The following IST1 variants were observed in gnomAD, a reference collection of about 807,000 sequenced individuals.
IST1 encodes the protein IST1 homolog.
IST1 carries 23 observed loss-of-function variants against 37.0 expected under a neutral mutation model. The observed-to-expected ratio is 0.62, with a 90% CI of 0.45 to 0.88. The LOEUF is 0.88. Among genes scored for constraint, IST1 ranks in the 40% least tolerant of loss-of-function variants. The pLI is 0.00. For missense variants in IST1, 488 were observed against 445.4 expected (o/e 1.10, Z -0.86); for synonymous variants, 180 against 161.7 (o/e 1.11, Z -0.86).
chr16:71,895,835 C>T (rs889162104), intron 1 of IST1, among the ~76,000 whole-genome samples: 1 of 152,218 alleles, frequency 6.6e-6, no homozygotes, highest in African/African-American at 2.4e-5. Flanking sequence ...GGGTCGGAGG[C>T]CTCTGGTCCT....
chr16:71,920,472 CTATAAG>C (rs1160147905), intron 4 of IST1, among the ~76,000 whole-genome samples: 1 of 152,156 alleles, frequency 6.6e-6, no homozygotes, highest in African/African-American at 2.4e-5. Context: ...ATGTAAGACT[CTATAAG>C]AGTAAGAACA....
chr16:71,920,669 G>T, intron 4 of IST1, 70 bp from the exon 5 acceptor site: 1 of 1,096,156 alleles, frequency 9.1e-7, no homozygotes, highest in Non-Finnish European at 1.4e-6. Flanking sequence ...GTTTACTGTT[G>T]CCAGGAAGAA....
chr16:71,903,366 A>G (rs995690748), intron 1 of IST1: 1 of 151,984 alleles, frequency 6.6e-6, no homozygotes, highest in Non-Finnish European at 1.5e-5. Flanking sequence ...TTACATATAT[A>G]TATTTTTTTT....
intron 1 of IST1, among the ~76,000 whole-genome samples, chr16:71,911,358 T>TG (rs1555509659): frequency 6.6e-6 from 1 of 151,528 alleles, no homozygotes; most frequent in Non-Finnish European, 1.5e-5. Context: ...TACCTTTTTT[T>TG]AAAAAAAACT....
upstream of IST1, chr16:71,895,119 A>G: frequency 3.1e-6 from 1 of 326,272 alleles, no homozygotes; most frequent in South Asian, 3.8e-5. Context: ...GTCCAGCGAA[A>G]GGCGGCAGCA....
chr16:71,895,548 C>G lies in IST1; in HGVS notation c.-57C>G. Reference sequence around the variant, plus strand: ...GAGTCGCCATTTTGGATGGTGAACCCTGAAGTCGGTGTCTGCTGCGTTCAC... The same window carrying G: ...GAGTCGCCATTTTGGATGGTGAACCGTGAAGTCGGTGTCTGCTGCGTTCAC... On this transcript the variant is annotated 5_prime_UTR_variant, in exon 1 of 10. Transcript: ENST00000378799. The G allele has an allele frequency of 5.1e-6, 5 of 985,702 alleles. No homozygotes were observed. Among genetic ancestry groups the G allele is most frequent in the Middle Eastern group, 5.2e-4 (1 of 1,914 alleles). The allele number at this position is 985,702 out of a possible 1,614,324, so 61.1% of individuals were successfully genotyped here.
chr16:71,930,064 T>C lies in IST1; in HGVS notation c.*2251T>C, dbSNP rs570578939. 6.5e-7 allele frequency: 1 copy of C among 1,548,890 alleles called. No individual in the cohort carries two copies. The highest frequency in any genetic ancestry group is 8.7e-7 in the Non-Finnish European group (1 of 1,146,046). ...TTTAGTTACCTACCTTAAGCGACTT[T>C]CTTTCTTTTCCAAAGGCCATGAGAA... On this transcript the variant is annotated 3_prime_UTR_variant, in exon 10 of 10. Transcript: ENST00000378799.
In IST1 at chr16:71,923,326, CT is replaced by C; in HGVS notation, c.801del (p.Asn269IlefsTer17). The part of the protein sequence containing the change: ...NGLPMGTYQA[F>X]PNIHPPQIPA... ...GACTGCCAATGGGGACTTATCAGGC[CT>C]TTCCCAATATTCATCCACCTCAGAT... On this transcript the variant is annotated frameshift_variant, in exon 8 of 10. Coordinates refer to ENST00000378799, the MANE Select transcript of IST1 (RefSeq NM_001270975.2). LOFTEE classifies it high-confidence loss of function. 1 of 1,612,656 alleles carries C rather than the reference CT, an allele frequency of 6.2e-7. No individual in the cohort carries two copies. The highest frequency in any genetic ancestry group is 1.1e-5 in the South Asian group (1 of 91,008).
At chr16:71,901,146 A>T (rs2037098451) in intron 1 of IST1, among the ~76,000 whole-genome samples, 1 of 152,220 alleles carries the variant, frequency 6.6e-6, no homozygotes, top group Non-Finnish European at 1.5e-5. Context: ...AGGATAACAA[A>T]GTTTATGTTA....
At chr16:71,915,819 G>A in intron 2 of IST1, 91 bp downstream of exon 2, 1 of 760,398 alleles carries the variant, frequency 1.3e-6, no homozygotes, top group East Asian at 2.6e-5. Flanking sequence ...TGAAGTCTTA[G>A]GGATCATATT....
upstream of IST1, chr16:71,895,378 C>G (rs1374990855): frequency 1.0e-5 from 3 of 286,992 alleles, no homozygotes; most frequent in African/African-American, 6.8e-5. Context: ...GCCGCGCCGA[C>G]TCCAAAGGAA....
chr16:71,915,856 G>T (rs2037455711), intron 2 of IST1, 128 bp downstream of exon 2: 2 of 590,152 alleles, frequency 3.4e-6, no homozygotes, highest in Non-Finnish European at 5.9e-6. Context: ...GTTGAGACAG[G>T]GTCTCACTCT....
intron 1 of IST1, among the ~76,000 whole-genome samples, chr16:71,899,378 A>G (rs1015652131): frequency 6.6e-6 from 1 of 151,922 alleles, no homozygotes; most frequent in African/African-American, 2.4e-5. Flanking sequence ...AAGAGTTGGG[A>G]GACCAGCCTG....
intron 6 of IST1, 128 bp downstream of exon 6, chr16:71,921,581 T>A (rs551983939): frequency 9.6e-6 from 6 of 622,324 alleles, no homozygotes; most frequent in Non-Finnish European, 1.7e-5. Context: ...TTAGTACCTT[T>A]ATGACAATAA....
intron 1 of IST1, among the ~76,000 whole-genome samples, chr16:71,911,965 A>G (rs1384167273): frequency 1.3e-5 from 2 of 151,880 alleles, no homozygotes; most frequent in Non-Finnish European, 1.5e-5. Flanking sequence ...TCTGCCTCCC[A>G]AAGTGTTGGG....
At position 71,922,531 on chromosome 16, in the gene IST1, G is replaced by A; in HGVS notation, c.610G>A (p.Val204Met). The change falls in exon 7 of 10, where the codon GTG becomes ATG. Residue 204 changes from valine (V) to methionine (M), a missense_variant. Coordinates refer to ENST00000378799, the MANE Select transcript of IST1 (RefSeq NM_001270975.2). ...DLIDVGFTDDVKKGGPGRGGS... is the reference protein window; with the variant it reads ...DLIDVGFTDDMKKGGPGRGGS... Reference sequence around the variant, plus strand: ...TATTGATGTTGGATTCACAGATGATGTGAAGAAAGGAGGCCCTGGAAGAGG... The same window carrying A: ...TATTGATGTTGGATTCACAGATGATATGAAGAAAGGAGGCCCTGGAAGAGG... The A allele has an allele frequency of 2.5e-6, 4 of 1,614,226 alleles. No homozygotes were observed. The highest frequency in any genetic ancestry group is 1.7e-6 in the Non-Finnish European group (2 of 1,180,042).
Position 71,929,445 on chromosome 16 carries a change from A to C in IST1, c.*1632A>C. On this transcript the variant is annotated 3_prime_UTR_variant, in exon 10 of 10. Coordinates refer to ENST00000378799, the MANE Select transcript of IST1 (RefSeq NM_001270975.2). ...ATTTTGATTCCTAACTTACAGAATT[A>C]AAAACAAAGTATATTATAATTTTAA... 7.8e-7 allele frequency: 1 copy of C among 1,275,208 alleles called. No homozygotes were observed. Among genetic ancestry groups the C allele is most frequent in the Non-Finnish European group, 1.1e-6 (1 of 950,870 alleles). The allele number at this position is 1,275,208 out of a possible 1,614,324, so 79.0% of individuals were successfully genotyped here.
intron 1 of IST1, among the ~76,000 whole-genome samples, chr16:71,907,047 T>C (rs1211214093): frequency 2.6e-5 from 4 of 152,104 alleles, no homozygotes; most frequent in Admixed American, 6.6e-5. Context: ...AAATTGTCTT[T>C]GGGTTTTAGC....
chr16:71,907,884 C>T (rs2037261331), intron 1 of IST1, among the ~76,000 whole-genome samples: 1 of 152,208 alleles, frequency 6.6e-6, no homozygotes, highest in Admixed American at 6.5e-5. Context: ...TAGACTCAAG[C>T]AGTCCTCCTG....
Sources: gnomAD v4.1 joint callset for allele counts (sites outside exome capture counted in the v4.1 genomes callset) on GRCh38, gnomAD v4.1.1 for gene constraint, MANE v1.5 for transcripts, NCBI Gene and HGNC (gene_info 2026-07-23, HGNC 2026-07-21) for gene names.